The following ZNF804A variants were observed in gnomAD, a reference collection of about 807,000 sequenced individuals.
The protein encoded by ZNF804A is zinc finger protein 804A.
Under a neutral mutation model 16.5 loss-of-function variants are expected in ZNF804A, and 2 were observed. The observed-to-expected ratio is 0.12, with a 90% CI of 0.05 to 0.38. The LOEUF (loss-of-function observed/expected upper bound fraction) is 0.38, where lower values mean the gene tolerates loss of function less well. ZNF804A is among the 10% of genes least tolerant of loss of function. The probability of loss-of-function intolerance (pLI) is 0.99; values close to 1 mark genes in which losing one functional copy is unlikely to be tolerated. For synonymous variants in ZNF804A, 534 were observed against 489.6 expected (o/e 1.09, Z -1.20); for missense variants, 1,473 against 1,390.7 (o/e 1.06, Z -0.94).
At chr2:184,648,597 T>C (rs1691924309) in intron 1 of ZNF804A, among the ~76,000 whole-genome samples, 1 of 151,988 alleles carries the variant, frequency 6.6e-6, no homozygotes, top group Non-Finnish European at 1.5e-5. Context: ...TGAAGAAAGA[T>C]CTGCCATAGA....
intron 1 of ZNF804A, among the ~76,000 whole-genome samples, chr2:184,608,468 A>C (rs573957552): frequency 6.6e-6 from 1 of 152,250 alleles, no homozygotes; most frequent in East Asian, 1.9e-4. Flanking sequence ...CTTTCCTCAT[A>C]ATGGCTGGCA....
chr2:184,727,393 G>C (rs1027294931), intron 1 of ZNF804A, among the ~76,000 whole-genome samples: 1 of 151,480 alleles, frequency 6.6e-6, no homozygotes, highest in Admixed American at 6.6e-5. Flanking sequence ...ACATATCAGA[G>C]TCATTAAATA....
chr2:184,899,751 CT>C (rs201818887), intron 2 of ZNF804A, among the ~76,000 whole-genome samples: 258 of 151,570 alleles, frequency 1.7e-3, no homozygotes, highest in African/African-American at 5.8e-3. Flanking sequence ...TTATTTGTTT[CT>C]GTTTAAGGTG....
intron 1 of ZNF804A, among the ~76,000 whole-genome samples, chr2:184,621,230 C>T (rs936679915): frequency 2.6e-5 from 4 of 151,650 alleles, no homozygotes; most frequent in African/African-American, 9.6e-5. Flanking sequence ...TTTAACAACA[C>T]TGGTAGATAA....
chr2:184,877,641 C>G (rs1475143578), intron 2 of ZNF804A, among the ~76,000 whole-genome samples: 1 of 151,880 alleles, frequency 6.6e-6, no homozygotes, highest in Non-Finnish European at 1.5e-5. Flanking sequence ...ATGAGAATAA[C>G]CAGAGAAGTT....
intron 1 of ZNF804A, among the ~76,000 whole-genome samples, chr2:184,781,612 G>C (rs1192743501): frequency 6.6e-6 from 1 of 151,510 alleles, no homozygotes; most frequent in African/African-American, 2.4e-5. Flanking sequence ...TGGCTGCTTG[G>C]AGTCAAAAGT....
chr2:184,814,192 T>C (rs909343558), intron 1 of ZNF804A, among the ~76,000 whole-genome samples: 5 of 151,820 alleles, frequency 3.3e-5, no homozygotes, highest in Admixed American at 6.6e-5. Context: ...TTGAGATAGT[T>C]TCATTATATA....
chr2:184,865,220 C>T (rs1479924645), intron 1 of ZNF804A, among the ~76,000 whole-genome samples: 1 of 151,918 alleles, frequency 6.6e-6, no homozygotes, highest in African/African-American at 2.4e-5. Context: ...ATAAGATAAT[C>T]TGGAAGTTAG....
intron 1 of ZNF804A, among the ~76,000 whole-genome samples, chr2:184,799,137 G>A (rs530844776): frequency 2.6e-5 from 4 of 152,216 alleles, no homozygotes; most frequent in African/African-American, 9.6e-5. Context: ...AGGTCCTGGA[G>A]GAGCACTCTA....
At chr2:184,638,215 C>A (rs534736090) in intron 1 of ZNF804A, among the ~76,000 whole-genome samples, 17 of 152,266 alleles carry the variant, frequency 1.1e-4, no homozygotes, top group African/African-American at 4.1e-4. Flanking sequence ...ATTATTTATT[C>A]CATCCTCTCC....
chr2:184,751,771 A>G (rs1693881101), intron 1 of ZNF804A, among the ~76,000 whole-genome samples: 1 of 151,832 alleles, frequency 6.6e-6, no homozygotes, highest in East Asian at 1.9e-4. Context: ...AAGTAACTCA[A>G]ACAACTCAAG....
intron 1 of ZNF804A, among the ~76,000 whole-genome samples, chr2:184,722,144 A>G (rs914148875): frequency 6.6e-6 from 1 of 152,018 alleles, no homozygotes; most frequent in Admixed American, 6.6e-5. Flanking sequence ...TTTGACGTAA[A>G]AAAAGCTTAT....
intron 1 of ZNF804A, among the ~76,000 whole-genome samples, chr2:184,665,402 T>G (rs973161139): frequency 1.3e-5 from 2 of 152,206 alleles, no homozygotes; most frequent in Non-Finnish European, 1.5e-5. Flanking sequence ...GTTCTTCACC[T>G]AAGAAGCTCA....
intron 1 of ZNF804A, among the ~76,000 whole-genome samples, chr2:184,641,874 C>T (rs972232033): frequency 5.3e-5 from 8 of 152,102 alleles, no homozygotes; most frequent in African/African-American, 1.9e-4. Flanking sequence ...AGTTAGAAAA[C>T]AAATATTTTT....
chr2:184,758,236 G>A (rs1370247086), intron 1 of ZNF804A, among the ~76,000 whole-genome samples: 1 of 151,612 alleles, frequency 6.6e-6, no homozygotes, highest in Non-Finnish European at 1.5e-5. Flanking sequence ...ATGACATGAG[G>A]AATGAAAAAT....
intron 2 of ZNF804A, among the ~76,000 whole-genome samples, chr2:184,932,417 G>A (rs898457213): frequency 1.3e-5 from 2 of 152,148 alleles, no homozygotes; most frequent in Non-Finnish European, 2.9e-5. Flanking sequence ...CGTCTTACAT[G>A]GAGGCAGGAA....
intron 1 of ZNF804A, among the ~76,000 whole-genome samples, chr2:184,658,213 G>A (rs1466671317): frequency 6.6e-6 from 1 of 152,186 alleles, no homozygotes; most frequent in Non-Finnish European, 1.5e-5. Flanking sequence ...GCCAGGTGTG[G>A]TGGCTCACGC....
chr2:184,883,000 G>C (rs1423620277), intron 2 of ZNF804A, among the ~76,000 whole-genome samples: 1 of 151,864 alleles, frequency 6.6e-6, no homozygotes, highest in African/African-American at 2.4e-5. Context: ...TCCACAATTT[G>C]GTTTTTGGAA....
chr2:184,935,210 G>A (rs890863485), intron 3 of ZNF804A, among the ~76,000 whole-genome samples: 1 of 152,004 alleles, frequency 6.6e-6, no homozygotes, highest in African/African-American at 2.4e-5. Context: ...TAAATATTGA[G>A]ACTAACAATT....
Sources: gnomAD v4.1 joint callset for allele counts (sites outside exome capture counted in the v4.1 genomes callset) on GRCh38, gnomAD v4.1.1 for gene constraint, MANE v1.5 for transcripts, NCBI Gene and HGNC (gene_info 2026-07-23, HGNC 2026-07-21) for gene names.